Variants in HS3ST4 observed in about 807,000 individuals in gnomAD.
HS3ST4 encodes heparan sulfate glucosamine 3-O-sulfotransferase 4.
Under a neutral mutation model 29.2 loss-of-function variants are expected in HS3ST4, and 17 were observed. The ratio of observed to expected loss-of-function variants is 0.58; its 90% CI spans 0.40 to 0.87. The LOEUF is 0.87. Ranked by LOEUF, HS3ST4 falls within the 40% of genes least tolerant of loss-of-function variation. HS3ST4 has a pLI of 0.00. For missense variants in HS3ST4, 627 were observed against 634.5 expected, an observed-to-expected ratio of 0.99 and a Z score of 0.13; for synonymous variants, 314 against 285.7, an observed-to-expected ratio of 1.10 and a Z score of -1.00.
chr16:25,822,749 T>C (rs1967173333), intron 1 of HS3ST4, among the ~76,000 whole-genome samples: 1 of 151,546 alleles, frequency 6.6e-6, no homozygotes, highest in African/African-American at 2.4e-5. Context: ...TTTTTTTTTG[T>C]TCTTTTGAGA....
chr16:25,758,979 CA>C (rs35194185), intron 1 of HS3ST4, among the ~76,000 whole-genome samples: 1 of 113,170 alleles, frequency 8.8e-6, no homozygotes, highest in Non-Finnish European at 2.2e-5. Flanking sequence ...AACAAAAAAA[CA>C]AAAAAAAACC....
intron 1 of HS3ST4, among the ~76,000 whole-genome samples, chr16:26,008,763 G>A (rs1385820504): frequency 6.6e-6 from 1 of 152,168 alleles, no homozygotes; most frequent in Non-Finnish European, 1.5e-5. Flanking sequence ...AGGCTGCAGT[G>A]ATCCAAGATC....
chr16:25,797,088 A>G (rs1326602233), intron 1 of HS3ST4, among the ~76,000 whole-genome samples: 16 of 152,190 alleles, frequency 1.1e-4, no homozygotes, highest in African/African-American at 3.9e-4. Context: ...TATTGTCTTC[A>G]TTCTATAAAC....
At position 25,851,582 on chromosome 16, in the gene HS3ST4, G is replaced by A. The variant is rs187351250; in HGVS notation, c.734+158431G>A. ...TCCCTGCACATTTTAGTGACCAGAG[G>A]TAGTTGAAACTCAGCATTCTTTGGA... On this transcript the variant is annotated intron_variant, in intron 1 of 1. Transcript: ENST00000331351. Among the ~76,000 whole-genome samples, 6 of 152,262 alleles carry A rather than the reference G, an allele frequency of 3.9e-5. No individual in the cohort carries two copies. The East Asian group carries it at 1.2e-3, about 29-fold the overall frequency.
intron 1 of HS3ST4, among the ~76,000 whole-genome samples, chr16:26,050,633 C>G (rs1380463398): frequency 6.6e-6 from 1 of 152,160 alleles, no homozygotes; most frequent in Non-Finnish European, 1.5e-5. Context: ...TGATTCCTTC[C>G]GCACCACTCA....
chr16:25,755,116 C>T (rs1476593803), intron 1 of HS3ST4, among the ~76,000 whole-genome samples: 1 of 151,332 alleles, frequency 6.6e-6, no homozygotes, highest in East Asian at 1.9e-4. Context: ...ATTCATCCTT[C>T]CACCCCTCCA....
intron 1 of HS3ST4, among the ~76,000 whole-genome samples, chr16:26,121,644 G>A (rs1432632038): frequency 1.3e-5 from 2 of 152,168 alleles, no homozygotes; most frequent in Non-Finnish European, 2.9e-5. Context: ...GGAGTGTGAG[G>A]TGGAGAGACC....
intron 1 of HS3ST4, among the ~76,000 whole-genome samples, chr16:25,789,601 A>G (rs376730167): frequency 4.0e-5 from 6 of 151,750 alleles, no homozygotes; most frequent in East Asian, 3.9e-4. Context: ...AAGTAATTGT[A>G]ATGTTAATAT....
At chr16:25,759,325 G>T (rs915140913) in intron 1 of HS3ST4, among the ~76,000 whole-genome samples, 1 of 152,214 alleles carries the variant, frequency 6.6e-6, no homozygotes, top group Admixed American at 6.5e-5. Flanking sequence ...ATCCTTCCAT[G>T]TTGTCACATA....
chr16:26,077,941 G>A (rs1456531221), intron 1 of HS3ST4, among the ~76,000 whole-genome samples: 3 of 152,084 alleles, frequency 2.0e-5, no homozygotes, highest in African/African-American at 4.8e-5. Flanking sequence ...CAGGCTTGGC[G>A]GTACACACCT....
At chr16:26,076,335 T>C (rs941831964) in intron 1 of HS3ST4, among the ~76,000 whole-genome samples, 12 of 152,226 alleles carry the variant, frequency 7.9e-5, no homozygotes, top group African/African-American at 2.7e-4. Context: ...ACAATCTAGC[T>C]GGTTAAGCTA....
chr16:26,120,814 A>G (rs1899265762), intron 1 of HS3ST4, among the ~76,000 whole-genome samples: 2 of 152,246 alleles, frequency 1.3e-5, no homozygotes, highest in South Asian at 4.1e-4. Flanking sequence ...CAAATTATTT[A>G]CAAAGAGGAA....
chr16:25,735,394 T>C (rs777422323), intron 1 of HS3ST4, among the ~76,000 whole-genome samples: 10 of 152,126 alleles, frequency 6.6e-5, no homozygotes, highest in Non-Finnish European at 1.0e-4. Flanking sequence ...TTTTTCTTTT[T>C]TTTTTTTATT....
chr16:26,062,440 C>G (rs1898486714), intron 1 of HS3ST4, among the ~76,000 whole-genome samples: 1 of 152,116 alleles, frequency 6.6e-6, no homozygotes, highest in African/African-American at 2.4e-5. Context: ...GCCATGATAA[C>G]ATATTGGGTG....
In HS3ST4 at chr16:25,934,477, G is replaced by GT. The variant is rs75170233; in HGVS notation, c.735-201131dup. Among the ~76,000 whole-genome samples, 165 of 152,306 alleles carry GT rather than the reference G, an allele frequency of 1.1e-3. 2 individuals carry two copies. In the East Asian group the frequency reaches 0.03, roughly 28 times the overall value. On this transcript the variant is annotated intron_variant, in intron 1 of 1. Coordinates refer to ENST00000331351, the MANE Select transcript of HS3ST4 (RefSeq NM_006040.3). Reference sequence around the variant, plus strand: ...TTTTGAGAAAGAGCATTAATGATTGGTTTTATCAGGAAAGGCAGCTTTGCA... The same window carrying GT: ...TTTTGAGAAAGAGCATTAATGATTGGTTTTTATCAGGAAAGGCAGCTTTGCA...
intron 1 of HS3ST4, among the ~76,000 whole-genome samples, chr16:25,757,722 C>G (rs1966765988): frequency 6.6e-6 from 1 of 151,892 alleles, no homozygotes; most frequent in Non-Finnish European, 1.5e-5. Flanking sequence ...GAACATCAAA[C>G]TCGGCATTTT....
intron 1 of HS3ST4, among the ~76,000 whole-genome samples, chr16:26,026,557 T>C (rs1969476172): frequency 6.6e-6 from 1 of 152,140 alleles, no homozygotes; most frequent in Non-Finnish European, 1.5e-5. Flanking sequence ...ATATTAGGCA[T>C]CACCTCCAGA....
In HS3ST4 at chr16:25,692,597, A is replaced by T. The variant is rs1409356597; in HGVS notation, c.180A>T (p.Gln60His). ...YSLLGGSGSL[Q>H]FPLALQESPG... The stretch of plus-strand genomic sequence containing the variant: ...TCCTGGGCGGCTCGGGCTCCCTGCA[A>T]TTCCCTCTGGCGCTGCAGGAGTCGC... The change falls in exon 1 of 2, where the codon CAA becomes CAT. Residue 60 changes from glutamine (Q) to histidine (H), a missense_variant. Physicochemically the swap from Gln to His is conservative, Grantham distance 24 (BLOSUM62 0). Around this residue, in one of 2 missense-constraint regions of HS3ST4, gnomAD observed 402 missense variants for 340.8 expected, o/e 1.18. Transcript: ENST00000331351. The T allele has an allele frequency of 7.1e-7, 1 of 1,401,710 alleles. No individual in the cohort carries two copies. Among genetic ancestry groups the T allele is most frequent in the Non-Finnish European group, 9.4e-7 (1 of 1,067,258 alleles). The allele number at this position is 1,401,710 out of a possible 1,614,324, so 86.8% of individuals were successfully genotyped here. A position where few individuals can be genotyped will look rare whatever the true frequency, so the allele number is the denominator to read the frequency against.
chr16:26,085,768 A>C (rs976467039), intron 1 of HS3ST4, among the ~76,000 whole-genome samples: 1 of 151,828 alleles, frequency 6.6e-6, no homozygotes, highest in Non-Finnish European at 1.5e-5. Context: ...CAGCTACTTG[A>C]GAGGTTAAGG....
Sources: gnomAD v4.1 joint callset for allele counts (sites outside exome capture counted in the v4.1 genomes callset) on GRCh38, gnomAD v4.1.1 for gene constraint, gnomAD v4.1.1 regional missense constraint, MANE v1.5 for transcripts, NCBI Gene and HGNC (gene_info 2026-07-23, HGNC 2026-07-21) for gene names.